UGT1A10: variants seen among roughly 807,000 people sequenced by gnomAD.
UGT1A10 encodes UDP-glucuronosyltransferase 1A10.
In UGT1A10, 49 loss-of-function variants were observed where a neutral mutation model predicts 45.8. That is an observed-to-expected ratio of 1.07 (90% CI 0.85 to 1.36). UGT1A10 has a LOEUF of 1.36. Ranked by LOEUF, UGT1A10 falls within the 40% of genes most tolerant of loss-of-function variation. The pLI, the probability that UGT1A10 is intolerant of heterozygous loss-of-function variation, is 0.00. For missense variants in UGT1A10, 745 were observed against 668.6 expected, an observed-to-expected ratio of 1.11 and a Z score of -1.26; for synonymous variants, 284 against 249.7, an observed-to-expected ratio of 1.14 and a Z score of -1.29.
chr2:233,772,669 CA>C lies in UGT1A10; in HGVS notation c.*111del. On this transcript the variant is annotated 3_prime_UTR_variant, in exon 5 of 5. Coordinates refer to ENST00000344644, the MANE Select transcript of UGT1A10 (RefSeq NM_019075.4). ...TTATTCTTATTAAGGAAATACTTTG[CA>C]TAAATTAATCAGCCCCAGAGTGCTT... 6.5e-7 allele frequency: 1 copy of C among 1,536,408 alleles called. No individual in the cohort carries two copies. The highest frequency in any genetic ancestry group is 1.4e-5 in the African/African-American group (1 of 72,618).
chr2:233,719,424 T>A (rs1477800386), intron 1 of UGT1A10: 11 of 1,613,828 alleles, frequency 6.8e-6, no homozygotes, highest in Non-Finnish European at 9.3e-6. Flanking sequence ...AACGACCAAT[T>A]CAGACCACAT....
Position 233,636,499 on chromosome 2 carries a change from G to A in UGT1A10, c.-24G>A. The A allele has an allele frequency of 6.3e-7, 1 of 1,599,096 alleles. No individual in the cohort carries two copies. The highest frequency in any genetic ancestry group is 8.5e-7 in the Non-Finnish European group (1 of 1,171,284). The stretch of plus-strand genomic sequence containing the variant: ...ATCATAGCAGCTTAGAATCCCAGCT[G>A]CTGGCTCGGGCTGCAGTTCTCTCAT... On this transcript the variant is annotated 5_prime_UTR_variant, in exon 1 of 5. Transcript: ENST00000344644.
rs981811501 is a variant in UGT1A10 at position 233,745,071 on chromosome 2, G to T, written c.856-21963G>T. Reference sequence around the variant, plus strand: ...GTTTTTTATTTGTATTATTTGTATTGTTTTTTCATTGCTCTTCCCCCCAAA... The same window carrying T: ...GTTTTTTATTTGTATTATTTGTATTTTTTTTTCATTGCTCTTCCCCCCAAA... On this transcript the variant is annotated intron_variant, in intron 1 of 4. Transcript: ENST00000344644. Among the ~76,000 whole-genome samples the T allele has an allele frequency of 7.2e-5, 11 of 151,894 alleles. No individual in the cohort carries two copies. In the East Asian group the frequency reaches 9.6e-4, roughly 13 times the overall value.
At chr2:233,723,986 G>A (rs1415108440) in intron 1 of UGT1A10, among the ~76,000 whole-genome samples, 7 of 57,878 alleles carry the variant, frequency 1.2e-4, no homozygotes, top group African/African-American at 7.1e-4. Context: ...CACCTTTCCC[G>A]CCTTTCTATT....
intron 1 of UGT1A10, among the ~76,000 whole-genome samples, chr2:233,661,121 A>G (rs1406892362): frequency 6.8e-6 from 1 of 147,968 alleles, no homozygotes; most frequent in Non-Finnish European, 1.5e-5. Context: ...ATACAGAATT[A>G]CTCTTTGACA....
At chr2:233,713,137 G>T (rs369417360) in intron 1 of UGT1A10, 1 of 1,614,192 alleles carries the variant, frequency 6.2e-7, no homozygotes, top group African/African-American at 1.3e-5. Flanking sequence ...GAGGCCTTGC[G>T]GGACCTCCAT....
intron 1 of UGT1A10, among the ~76,000 whole-genome samples, chr2:233,661,451 T>G (rs1489081755): frequency 6.6e-6 from 1 of 152,152 alleles, no homozygotes; most frequent in Non-Finnish European, 1.5e-5. Flanking sequence ...AACCCACAGA[T>G]GGAATCCTAG....
At chr2:233,764,170 A>C (rs1698494492) in intron 1 of UGT1A10, among the ~76,000 whole-genome samples, 1 of 152,226 alleles carries the variant, frequency 6.6e-6, no homozygotes, top group Non-Finnish European at 1.5e-5. Flanking sequence ...TCATCAGAAC[A>C]GGGAAATTCT....
chr2:233,637,390 T>C lies in UGT1A10; in HGVS notation c.855+13T>C, dbSNP rs752979420. 7.2e-5 allele frequency: 115 copies of C among 1,608,022 alleles called. No homozygotes were observed. The highest frequency in any genetic ancestry group is 9.6e-5 in the Non-Finnish European group (113 of 1,176,182). Reference sequence around the variant, plus strand: ...GCCATTGCCTATGGTAAGTCACCTCTCCTTTAGCACATTAAGAATAATCTG... The same window carrying C: ...GCCATTGCCTATGGTAAGTCACCTCCCCTTTAGCACATTAAGAATAATCTG... On this transcript the variant is annotated intron_variant, in intron 1 of 4. Transcript: ENST00000344644.
At chr2:233,637,467 G>A (rs949194984) in intron 1 of UGT1A10, 90 bp downstream of exon 1, 62 of 1,499,882 alleles carry the variant, frequency 4.1e-5, no homozygotes, top group African/African-American at 5.6e-5. Flanking sequence ...TGACATTTTC[G>A]TTTGTTGCAT....
At position 233,685,362 on chromosome 2, in the gene UGT1A10, AATC is replaced by A. The variant is rs2074736293; in HGVS notation, c.855+47987_855+47989del. On this transcript the variant is annotated intron_variant, in intron 1 of 4. Transcript: ENST00000344644. ...AGTGGTTTTAATGAGAAAAAAAGAA[AATC>A]ACTTCCACTTTTCTTGACTTGTTGG... Among the ~76,000 whole-genome samples the A allele has an allele frequency of 2.0e-5, 3 of 152,248 alleles. No homozygotes were observed. In the South Asian group the frequency reaches 6.2e-4, roughly 32 times the overall value.
chr2:233,761,042 C>A, intron 1 of UGT1A10: 1 of 1,614,180 alleles, frequency 6.2e-7, no homozygotes, highest in Non-Finnish European at 8.5e-7. Context: ...AGCTCTGCAT[C>A]TGTCTGGCTG....
intron 1 of UGT1A10, among the ~76,000 whole-genome samples, chr2:233,669,267 AT>A: frequency 6.7e-6 from 1 of 148,652 alleles, no homozygotes; most frequent in Admixed American, 6.7e-5. Flanking sequence ...TTTTTTTTCT[AT>A]TTTTTAAAAG....
chr2:233,700,705 T>C (rs955776859), intron 1 of UGT1A10, among the ~76,000 whole-genome samples: 13 of 150,812 alleles, frequency 8.6e-5, no homozygotes, highest in Non-Finnish European at 1.6e-4. Flanking sequence ...ACTTTGAATG[T>C]TTTTTTCTTT....
intron 1 of UGT1A10, among the ~76,000 whole-genome samples, chr2:233,677,531 G>C (rs577920647): frequency 5.6e-4 from 85 of 152,158 alleles, no homozygotes; most frequent in Non-Finnish European, 1.0e-3. Flanking sequence ...AATGCAGCTA[G>C]CTAGAGAAAA....
intron 1 of UGT1A10, among the ~76,000 whole-genome samples, chr2:233,638,226 A>G (rs1486924822): frequency 6.6e-6 from 1 of 152,156 alleles, no homozygotes; most frequent in Non-Finnish European, 1.5e-5. Flanking sequence ...AAAAATTTTC[A>G]CTATATAAGC....
At chr2:233,742,287 T>C (rs1415995429) in intron 1 of UGT1A10, among the ~76,000 whole-genome samples, 2 of 152,000 alleles carry the variant, frequency 1.3e-5, no homozygotes, top group East Asian at 1.9e-4. Context: ...ATCATTTCTA[T>C]AGATTATAGA....
chr2:233,707,975 C>T (rs2075997873), intron 1 of UGT1A10, among the ~76,000 whole-genome samples: 1 of 152,082 alleles, frequency 6.6e-6, no homozygotes, highest in Admixed American at 6.5e-5. Flanking sequence ...AGTCTATTGC[C>T]CACTGGGTTG....
chr2:233,651,963 T>C (rs969907668), intron 1 of UGT1A10, among the ~76,000 whole-genome samples: 14 of 152,168 alleles, frequency 9.2e-5, no homozygotes, highest in African/African-American at 3.4e-4. Context: ...CAGATCATCA[T>C]TCAAGAGAAC....
Sources: gnomAD v4.1 joint callset for allele counts (sites outside exome capture counted in the v4.1 genomes callset) on GRCh38, gnomAD v4.1.1 for gene constraint, MANE v1.5 for transcripts, NCBI Gene and HGNC (gene_info 2026-07-23, HGNC 2026-07-21) for gene names.